The following CSMD1 variants were observed in gnomAD, a reference collection of about 807,000 sequenced individuals.
CSMD1 encodes CUB and Sushi multiple domains 1.
Under a neutral mutation model 417.5 loss-of-function variants are expected in CSMD1, and 213 were observed. That is an observed-to-expected ratio of 0.51 (90% CI 0.46 to 0.57). CSMD1 has a LOEUF of 0.57. CSMD1 is among the 20% of genes least tolerant of loss of function. The pLI, the probability that CSMD1 is intolerant of heterozygous loss-of-function variation, is 0.00. For missense variants in CSMD1, 6,923 were observed against 4,529.7 expected (o/e 1.53, Z -15.17); for synonymous variants, 2,862 against 1,736.8 (o/e 1.65, Z -16.11).
chr8:4,006,389 C>CA, intron 4 of CSMD1, among the ~76,000 whole-genome samples: 1 of 152,182 alleles, frequency 6.6e-6, no homozygotes, highest in East Asian at 1.9e-4. Flanking sequence ...ACTAAAAATA[C>CA]AAAAAATAGC....
intron 5 of CSMD1, among the ~76,000 whole-genome samples, chr8:3,778,180 G>C (rs907703462): frequency 6.6e-6 from 1 of 152,238 alleles, no homozygotes; most frequent in South Asian, 2.1e-4. Flanking sequence ...GGCGTCAGCA[G>C]GGGGCAGGGA....
At chr8:3,973,292 C>G (rs893667726) in intron 5 of CSMD1, among the ~76,000 whole-genome samples, 4 of 152,288 alleles carry the variant, frequency 2.6e-5, no homozygotes, top group African/African-American at 9.6e-5. Context: ...GTTCTCCCAC[C>G]TGCCGAGGGA....
At chr8:4,583,517 G>A (rs184409152) in intron 2 of CSMD1, among the ~76,000 whole-genome samples, 274 of 152,010 alleles carry the variant, frequency 1.8e-3, no homozygotes, top group African/African-American at 5.5e-3. Flanking sequence ...TACACCAATC[G>A]ACACTCTGTA....
chr8:4,473,809 A>G (rs1025945303), intron 2 of CSMD1, among the ~76,000 whole-genome samples: 14 of 152,180 alleles, frequency 9.2e-5, no homozygotes. Flanking sequence ...ATGACAGAAA[A>G]ATAGAGATAG....
intron 5 of CSMD1, among the ~76,000 whole-genome samples, chr8:3,917,878 T>C (rs1386093124): frequency 6.6e-6 from 1 of 152,122 alleles, no homozygotes; most frequent in Non-Finnish European, 1.5e-5. Context: ...CCTTTAAAAT[T>C]TTACTTAAAT....
chr8:4,425,449 GATC>G (rs1196005820), intron 2 of CSMD1, among the ~76,000 whole-genome samples: 4 of 151,126 alleles, frequency 2.6e-5, no homozygotes, highest in African/African-American at 9.7e-5. Context: ...GGATCCAATT[GATC>G]ATAAAGAGCT....
chr8:4,945,454 G>T (rs1170350775), intron 1 of CSMD1, among the ~76,000 whole-genome samples: 1 of 151,680 alleles, frequency 6.6e-6, no homozygotes, highest in Non-Finnish European at 1.5e-5. Context: ...CAGCATTTTG[G>T]GAAGCTGAGG....
Position 4,583,419 on chromosome 8 carries a change from G to A in CSMD1, c.302+53923C>T, listed in dbSNP as rs897430374. 5.9e-5 allele frequency among the ~76,000 whole-genome samples: 9 copies of A among 152,196 alleles called. No individual in the cohort carries two copies. In the East Asian group the frequency reaches 1.7e-3, roughly 30 times the overall value. On this transcript the variant is annotated intron_variant, in intron 2 of 69. Transcript: ENST00000635120. ...AATCAGCACCCTGTGTCTAGCTCAG[G>A]GTTTGTGAGTGCACCAATCGACACT...
chr8:3,971,731 C>T (rs1253202545), intron 5 of CSMD1, among the ~76,000 whole-genome samples: 2 of 152,116 alleles, frequency 1.3e-5, no homozygotes, highest in Non-Finnish European at 2.9e-5. Context: ...TCTCGTAGAC[C>T]ACCAAGGCCG....
chr8:3,675,681 G>A (rs1036940074), intron 7 of CSMD1, among the ~76,000 whole-genome samples: 8 of 152,296 alleles, frequency 5.3e-5, no homozygotes, highest in Middle Eastern at 3.4e-3. Flanking sequence ...GATGCCATCT[G>A]CAAACCAGGA....
chr8:4,099,795 G>C (rs1431494497), intron 3 of CSMD1, among the ~76,000 whole-genome samples: 1 of 152,070 alleles, frequency 6.6e-6, no homozygotes, highest in Non-Finnish European at 1.5e-5. Flanking sequence ...GATAGTACTG[G>C]GAAGGCTACT....
At chr8:4,068,351 G>A (rs1799367437) in intron 3 of CSMD1, among the ~76,000 whole-genome samples, 1 of 152,172 alleles carries the variant, frequency 6.6e-6, no homozygotes, top group South Asian at 2.1e-4. Flanking sequence ...GCTCAAAGCA[G>A]AGAGGGGATC....
intron 3 of CSMD1, among the ~76,000 whole-genome samples, chr8:4,060,108 C>G (rs1279622052): frequency 6.6e-6 from 1 of 152,154 alleles, no homozygotes; most frequent in Non-Finnish European, 1.5e-5. Flanking sequence ...ATCAAGTGGG[C>G]TTCATCCCTG....
chr8:3,860,278 C>G (rs748986587), intron 5 of CSMD1, among the ~76,000 whole-genome samples: 30 of 152,198 alleles, frequency 2.0e-4, no homozygotes, highest in Admixed American at 9.8e-4. Flanking sequence ...ACTGAGAACT[C>G]TGCCCTTGGG....
At position 4,173,244 on chromosome 8, in the gene CSMD1, C is replaced by T. The variant is rs187509502; in HGVS notation, c.416-141145G>A. Among the ~76,000 whole-genome samples the T allele has an allele frequency of 1.1e-4, 16 of 152,196 alleles. 2 individuals carry two copies. The South Asian group carries it at 1.7e-3, about 16-fold the overall frequency. On this transcript the variant is annotated intron_variant, in intron 3 of 69. Transcript: ENST00000635120. ...AACTCTTTAATGCAAGCTTGTCTCACGCAACATTTGGAATGTAATAAAATT... is the reference window on the plus strand; with the variant it reads ...AACTCTTTAATGCAAGCTTGTCTCATGCAACATTTGGAATGTAATAAAATT...
chr8:4,767,367 T>C (rs1310526098), intron 1 of CSMD1, among the ~76,000 whole-genome samples: 1 of 152,216 alleles, frequency 6.6e-6, no homozygotes, highest in Non-Finnish European at 1.5e-5. Context: ...CATTTGCCTT[T>C]ACGAAACATA....
At position 4,363,035 on chromosome 8, in the gene CSMD1, C is replaced by T. The variant is rs562643810; in HGVS notation, c.415+56918G>A. Among the ~76,000 whole-genome samples, 29 of 152,262 alleles carry T rather than the reference C, an allele frequency of 1.9e-4. 1 individual carries two copies. In the South Asian group the frequency reaches 5.6e-3, roughly 29 times the overall value. ...TTTGAATTTTCAGTATTTACTTCTG[C>T]TACTACGGAAGGGAGAAAATTGAAT... On this transcript the variant is annotated intron_variant, in intron 3 of 69. Coordinates refer to ENST00000635120, the MANE Select transcript of CSMD1 (RefSeq NM_033225.6).
At chr8:4,711,583 T>G (rs1488562195) in intron 1 of CSMD1, among the ~76,000 whole-genome samples, 1 of 152,026 alleles carries the variant, frequency 6.6e-6, no homozygotes, top group South Asian at 2.1e-4. Flanking sequence ...AAAAAAAATA[T>G]ATTGGTACTA....
intron 1 of CSMD1, among the ~76,000 whole-genome samples, chr8:4,929,891 G>C (rs903941618): frequency 1.3e-5 from 2 of 152,182 alleles, no homozygotes; most frequent in African/African-American, 4.8e-5. Context: ...AGAATCAGTA[G>C]ATTCTCCAGC....
Sources: allele counts gnomAD v4.1 joint callset (sites outside exome capture counted in the v4.1 genomes callset), GRCh38; gene constraint gnomAD v4.1.1; transcripts MANE v1.5; gene names NCBI Gene and HGNC (gene_info 2026-07-23, HGNC 2026-07-21).